The following DNAH5 variants were observed in gnomAD, a reference collection of about 807,000 sequenced individuals.
The protein encoded by DNAH5 is dynein axonemal heavy chain 5, also known as axonemal beta dynein heavy chain 5.
DNAH5 carries 372 observed loss-of-function variants against 518.2 expected under a neutral mutation model. That is an observed-to-expected ratio of 0.72 (90% CI 0.66 to 0.78). The LOEUF (loss-of-function observed/expected upper bound fraction) is 0.78, where lower values mean the gene tolerates loss of function less well. DNAH5 is among the 30% of genes least tolerant of loss of function. The probability of loss-of-function intolerance (pLI) is 0.00; values close to 1 mark genes in which losing one functional copy is unlikely to be tolerated. For synonymous variants in DNAH5, 2,039 were observed against 2,025.9 expected, an observed-to-expected ratio of 1.01 and a Z score of -0.17; for missense variants, 5,523 against 5,687.0, an observed-to-expected ratio of 0.97 and a Z score of 0.93.
chr5:13,702,062 A>G (rs1156792298), intron 76 of DNAH5, among the ~76,000 whole-genome samples: 1 of 152,232 alleles, frequency 6.6e-6, no homozygotes, highest in Non-Finnish European at 1.5e-5. Context: ...TTTATCATCC[A>G]CAAACTATTT....
In DNAH5 at chr5:13,792,076, T is replaced by A. The variant is rs1757083952; in HGVS notation, c.8366A>T (p.His2789Leu). The A allele has an allele frequency of 6.2e-7, 1 of 1,614,114 alleles. No individual in the cohort carries two copies. Among genetic ancestry groups the A allele is most frequent in the Non-Finnish European group, 8.5e-7 (1 of 1,180,004 alleles). ...AAGATCTCGTAGGTTAAACACATAA[T>A]GGAATTTTGCAGGGGTAGGAAGCAT... ...IKMLPTPAKF[H>L]YVFNLRDLSR... The change falls in exon 50 of 79, where the codon CAT becomes CTT. Residue 2789 changes from histidine to leucine, a missense_variant. His to Leu is a moderately conservative substitution (Grantham distance 99). This residue lies in a region of DNAH5 where 5,121 missense variants were observed against 5,223.3 expected (regional missense o/e 0.98). Coordinates refer to ENST00000265104, the MANE Select transcript of DNAH5 (RefSeq NM_001369.3).
chr5:13,841,236 A>T (rs1485635022), intron 33 of DNAH5, 106 bp from the exon 34 acceptor site: 2 of 890,964 alleles, frequency 2.2e-6, no homozygotes, highest in African/African-American at 3.4e-5. Flanking sequence ...GTGTAAAGCC[A>T]TGATTACATC....
In DNAH5 at chr5:13,794,017, T is replaced by C. The variant is rs755546086; in HGVS notation, c.7929A>G (p.Thr2643=). 1.5e-5 allele frequency: 25 copies of C among 1,614,058 alleles called. No homozygotes were observed. The East Asian group carries it at 5.6e-4, about 36-fold the overall frequency. Residue 2643 remains threonine (T), a synonymous_variant, in exon 48 of 79, where the codon ACA becomes ACG. Coordinates refer to ENST00000265104, the MANE Select transcript of DNAH5 (RefSeq NM_001369.3). The stretch of plus-strand genomic sequence containing the variant: ...TCTTCTTTCCCGCAGGAGGGCCATA[T>C]GTTGTACCCATTCGTTTATCCACAT... ...ESYVDKRMGT[T]YGPPAGKKMT... is the part of the protein sequence containing the mutation.
intron 41 of DNAH5, among the ~76,000 whole-genome samples, chr5:13,818,438 A>T (rs1761762095): frequency 6.6e-6 from 1 of 152,246 alleles, no homozygotes; most frequent in Admixed American, 6.5e-5. Context: ...CTCTGCTGAA[A>T]ATACAAAAAT....
chr5:13,949,460 G>A (rs1581018945), upstream of DNAH5, among the ~76,000 whole-genome samples: 1 of 152,322 alleles, frequency 6.6e-6, no homozygotes, highest in East Asian at 1.9e-4. Context: ...GAGTGATATG[G>A]TTGGTTGATT....
intron 1 of DNAH5, among the ~76,000 whole-genome samples, chr5:13,975,202 A>C (rs879634984): frequency 1.3e-5 from 2 of 152,196 alleles, no homozygotes; most frequent in Non-Finnish European, 2.9e-5. Context: ...AGGAGAAAGG[A>C]ATGTCTCACA....
rs751586686 is a variant in DNAH5 at position 13,766,123 on chromosome 5, G to A, written c.9954C>T (p.Leu3318=). The change falls in exon 59 of 79, where the codon CTC becomes CTT. Residue 3318 remains leucine (L), a synonymous_variant. Transcript: ENST00000265104. ...TVRTLGRPPH[L]IMRIMDCVLL... Reference sequence around the variant, plus strand: ...GTACGCAATCCATGATCCGCATGATGAGGTGAGGGGGGCGGCCCAACGTGC... The same window carrying A: ...GTACGCAATCCATGATCCGCATGATAAGGTGAGGGGGGCGGCCCAACGTGC... 1 of 1,614,234 alleles carries A rather than the reference G, an allele frequency of 6.2e-7. No individual in the cohort carries two copies. The highest frequency in any genetic ancestry group is 1.7e-5 in the Admixed American group (1 of 60,026).
intron 1 of DNAH5, among the ~76,000 whole-genome samples, chr5:13,974,318 T>C (rs1029185383): frequency 1.3e-5 from 2 of 151,790 alleles, no homozygotes; most frequent in Non-Finnish European, 2.9e-5. Context: ...AGAGATGGGG[T>C]TTCACTATGT....
chr5:13,997,147 C>T (rs1581141324), intron 1 of DNAH5, among the ~76,000 whole-genome samples: 1 of 152,248 alleles, frequency 6.6e-6, no homozygotes, highest in East Asian at 1.9e-4. Flanking sequence ...GTGTTCTCTC[C>T]TGAACATGTT....
chr5:13,972,437 GCAGCTCT>G lies in DNAH5; in HGVS notation c.12+39204_12+39210del, dbSNP rs143512960. On this transcript the variant is annotated intron_variant, in intron 1 of 78. Transcript: ENST00000681290. ...CTGTGGTCTTTCCCCAATTCCACTG[GCAGCTCT>G]CTCCAAGGACCCCTGTGAAACAAAG... is the stretch of plus-strand genomic sequence containing the variant. Among the ~76,000 whole-genome samples the G allele has an allele frequency of 4.1e-3, 627 of 152,212 alleles. 7 individuals carry two copies. The highest frequency in any genetic ancestry group is 0.015 in the African/African-American group (609 of 41,516).
chr5:13,837,718 T>C (rs1396220131), intron 35 of DNAH5, among the ~76,000 whole-genome samples: 239 of 108,656 alleles, frequency 2.2e-3, no homozygotes, highest in Admixed American at 3.6e-3. Flanking sequence ...TTTTTTTTTT[T>C]TTGAGACGGA....
intron 1 of DNAH5, among the ~76,000 whole-genome samples, chr5:13,940,635 T>C (rs1779370412): frequency 6.6e-6 from 1 of 152,220 alleles, no homozygotes; most frequent in Admixed American, 6.5e-5. Context: ...AAAGCTCCCC[T>C]GGTGATTCTA....
intron 50 of DNAH5, among the ~76,000 whole-genome samples, chr5:13,791,147 C>T (rs1188987786): frequency 2.6e-5 from 4 of 151,974 alleles, no homozygotes; most frequent in Non-Finnish European, 5.9e-5. Flanking sequence ...ATATTGCAAG[C>T]ATCTGGACAG....
At chr5:13,802,422 T>C (rs997239940) in intron 47 of DNAH5, among the ~76,000 whole-genome samples, 5 of 152,214 alleles carry the variant, frequency 3.3e-5, no homozygotes, top group African/African-American at 1.2e-4. Flanking sequence ...GCTTTTATAA[T>C]TCCTAGAAAT....
intron 71 of DNAH5, 68 bp from the exon 72 acceptor site, chr5:13,719,169 T>C: frequency 8.2e-7 from 1 of 1,221,800 alleles, no homozygotes; most frequent in Non-Finnish European, 1.2e-6. Context: ...TATTACATTC[T>C]TTAGAAATTA....
In DNAH5 at chr5:13,701,385, T is replaced by C; in HGVS notation, c.13390A>G (p.Arg4464Gly). The C allele has an allele frequency of 6.2e-7, 1 of 1,614,094 alleles. No individual in the cohort carries two copies. Among genetic ancestry groups the C allele is most frequent in the Non-Finnish European group, 8.5e-7 (1 of 1,179,962 alleles). The change falls in exon 77 of 79, where the codon AGA (arginine) becomes GGA (glycine). Residue 4464 changes from arginine to glycine, a missense_variant. Physicochemically the swap from Arg to Gly is moderately radical, Grantham distance 125. Coordinates refer to ENST00000265104, the MANE Select transcript of DNAH5 (RefSeq NM_001369.3). ...ACCCACGAGGTAAACTGGCTGTTTCTTTCTATAAGTTCAGTAAACCAGAAA... is the reference window on the plus strand; with the variant it reads ...ACCCACGAGGTAAACTGGCTGTTTCCTTCTATAAGTTCAGTAAACCAGAAA... ...LGFWFTELIERNSQFTSWVFN... is the reference protein window; with the variant it reads ...LGFWFTELIEGNSQFTSWVFN...
At chr5:13,848,282 G>A (rs1357586984) in intron 31 of DNAH5, among the ~76,000 whole-genome samples, 1 of 152,172 alleles carries the variant, frequency 6.6e-6, no homozygotes, top group Non-Finnish European at 1.5e-5. Flanking sequence ...AGTAAACAAA[G>A]GGTGCTTTAC....
chr5:13,982,198 A>G (rs1273358476), intron 1 of DNAH5, among the ~76,000 whole-genome samples: 1 of 152,254 alleles, frequency 6.6e-6, no homozygotes, highest in East Asian at 1.9e-4. Flanking sequence ...ATAAACTTTC[A>G]ATTTTTTCCT....
At chr5:13,798,554 T>C (rs1321217114) in intron 47 of DNAH5, among the ~76,000 whole-genome samples, 1 of 152,052 alleles carries the variant, frequency 6.6e-6, no homozygotes, top group Non-Finnish European at 1.5e-5. Context: ...AAATTCTCCT[T>C]CTCTTATCCA....
Sources: allele counts gnomAD v4.1 joint callset (sites outside exome capture counted in the v4.1 genomes callset), GRCh38; gene constraint gnomAD v4.1.1; regional missense constraint gnomAD v4.1.1; transcripts MANE v1.5; gene names NCBI Gene and HGNC (gene_info 2026-07-23, HGNC 2026-07-21).